WDR64: variants seen among roughly 807,000 people sequenced by gnomAD.
WDR64 encodes WD repeat domain 64.
In WDR64, 112 loss-of-function variants were observed where a neutral mutation model predicts 139.3. The ratio of observed to expected loss-of-function variants is 0.80; its 90% CI spans 0.69 to 0.94. The LOEUF is 0.94. Among genes scored for constraint, WDR64 ranks in the 40% least tolerant of loss-of-function variants. The pLI, the probability that WDR64 is intolerant of heterozygous loss-of-function variation, is 0.00. For missense variants in WDR64, 1,206 were observed against 1,293.1 expected (o/e 0.93, Z 1.03); for synonymous variants, 444 against 437.7 (o/e 1.01, Z -0.18).
At chr1:241,676,432 T>C (rs1191095383) in intron 4 of WDR64, 1 of 152,228 alleles carries the variant, frequency 6.6e-6, no homozygotes, top group Non-Finnish European at 1.5e-5. Flanking sequence ...CATTTATATA[T>C]AAAAACCTTC....
At chr1:241,693,730 G>C (rs942120007) in intron 8 of WDR64, among the ~76,000 whole-genome samples, 2 of 152,032 alleles carry the variant, frequency 1.3e-5, no homozygotes, top group Non-Finnish European at 2.9e-5. Flanking sequence ...TTAAAAATGT[G>C]CTGAGCTACA....
chr1:241,802,622 CACTT>C lies in WDR64; in HGVS notation c.*1412_*1415del, dbSNP rs1388779585. ...TGCTAATAGGATTACTAGTGTCTTC[CACTT>C]ACTTTGAAATGAATCAAAAAAATAA... On this transcript the variant is annotated 3_prime_UTR_variant, in exon 28 of 28. Transcript: ENST00000437684. Among the ~76,000 whole-genome samples the C allele has an allele frequency of 6.6e-6, 1 of 152,080 alleles. No individual in the cohort carries two copies. The highest frequency in any genetic ancestry group is 1.5e-5 in the Non-Finnish European group (1 of 68,004).
chr1:241,765,029 A>G (rs969645753), intron 15 of WDR64, among the ~76,000 whole-genome samples: 3 of 151,988 alleles, frequency 2.0e-5, no homozygotes, highest in Non-Finnish European at 4.4e-5. Flanking sequence ...TACAAAAAAA[A>G]TCAAAACATT....
At chr1:241,748,812 C>T (rs1669864612) in intron 13 of WDR64, among the ~76,000 whole-genome samples, 1 of 151,514 alleles carries the variant, frequency 6.6e-6, no homozygotes, top group Non-Finnish European at 1.5e-5. Flanking sequence ...TGGTGGTGGG[C>T]GCCTGCAGTC....
intron 2 of WDR64, among the ~76,000 whole-genome samples, chr1:241,667,721 T>C (rs943244471): frequency 4.6e-5 from 7 of 152,100 alleles, no homozygotes; most frequent in African/African-American, 1.7e-4. Context: ...ACAATCCCAA[T>C]GAGCTTGGAA....
Position 241,687,596 on chromosome 1 carries a change from G to C in WDR64, c.974+1G>C, listed in dbSNP as rs112489012. 1 of 1,610,244 alleles carries C rather than the reference G, an allele frequency of 6.2e-7. No homozygotes were observed. Among genetic ancestry groups the C allele is most frequent in the South Asian group, 1.1e-5 (1 of 90,796 alleles). Reference sequence around the variant, plus strand: ...CCTTGAAGAGACTCGAGGATAATTTGTAAGTATAGTAATTTATATACATGA... The same window carrying C: ...CCTTGAAGAGACTCGAGGATAATTTCTAAGTATAGTAATTTATATACATGA... On this transcript the variant is annotated splice_donor_variant, in intron 8 of 27. Transcript: ENST00000437684. LOFTEE classifies it high-confidence loss of function.
At chr1:241,691,158 T>A (rs1007734674) in intron 8 of WDR64, among the ~76,000 whole-genome samples, 2 of 152,174 alleles carry the variant, frequency 1.3e-5, no homozygotes, top group Non-Finnish European at 2.9e-5. Context: ...AAAAAATGTG[T>A]AACTTATATT....
chr1:241,721,423 A>G (rs1256668140), intron 9 of WDR64, among the ~76,000 whole-genome samples: 1 of 152,174 alleles, frequency 6.6e-6, no homozygotes. Flanking sequence ...AACTTAGGTT[A>G]TAACGCCTTT....
rs1007329673 is a variant in WDR64, at chr1:241,673,562, G to A, written c.380-1082G>A. On this transcript the variant is annotated intron_variant, in intron 3 of 27. Coordinates refer to ENST00000437684, the MANE Select transcript of WDR64 (RefSeq NM_001367482.1). ...AAGTGTATCCAATTATATACTACATGCGTATCTGTGCTTTCTGCACAAAAA... is the reference window on the plus strand; with the variant it reads ...AAGTGTATCCAATTATATACTACATACGTATCTGTGCTTTCTGCACAAAAA... Among the ~76,000 whole-genome samples, 7 of 152,176 alleles carry A rather than the reference G, an allele frequency of 4.6e-5. No homozygotes were observed. The South Asian group carries it at 1.2e-3, about 27-fold the overall frequency.
chr1:241,725,388 G>A (rs1347277450), intron 10 of WDR64, among the ~76,000 whole-genome samples: 2 of 151,574 alleles, frequency 1.3e-5, no homozygotes, highest in Non-Finnish European at 2.9e-5. Context: ...AAAAAAACCC[G>A]GTTGCTTTCC....
intron 8 of WDR64, among the ~76,000 whole-genome samples, chr1:241,691,524 CA>C (rs1372957587): frequency 2.0e-5 from 3 of 152,138 alleles, no homozygotes; most frequent in Non-Finnish European, 4.4e-5. Context: ...ACTATAAAAA[CA>C]CTTAGCAAAG....
intron 1 of WDR64, among the ~76,000 whole-genome samples, chr1:241,654,106 A>ACC (rs1021809111): frequency 6.6e-6 from 1 of 151,518 alleles, no homozygotes; most frequent in Non-Finnish European, 1.5e-5. Flanking sequence ...ATTCTCTCAA[A>ACC]CCCCCCTTTT....
At chr1:241,690,510 A>G (rs1216815158) in intron 8 of WDR64, among the ~76,000 whole-genome samples, 2 of 152,092 alleles carry the variant, frequency 1.3e-5, no homozygotes, top group Non-Finnish European at 2.9e-5. Context: ...AGGGGAAAAA[A>G]ACAACTTATC....
intron 10 of WDR64, among the ~76,000 whole-genome samples, chr1:241,726,666 T>C (rs909034464): frequency 3.3e-5 from 5 of 152,242 alleles, no homozygotes; most frequent in African/African-American, 1.2e-4. Context: ...TGAATAGTCA[T>C]ATGAAAATAT....
intron 2 of WDR64, among the ~76,000 whole-genome samples, chr1:241,665,817 A>G (rs1010710736): frequency 1.3e-5 from 2 of 152,196 alleles, no homozygotes; most frequent in Non-Finnish European, 2.9e-5. Context: ...TTAGGAGCAC[A>G]CTACAAATTA....
intron 23 of WDR64, among the ~76,000 whole-genome samples, chr1:241,783,672 T>A (rs554944332): frequency 6.6e-6 from 1 of 152,284 alleles, no homozygotes; most frequent in South Asian, 2.1e-4. Context: ...TTAAGCAAGA[T>A]AGCTATCTCG....
chr1:241,779,702 C>T (rs1252170582), intron 21 of WDR64, among the ~76,000 whole-genome samples: 2 of 151,942 alleles, frequency 1.3e-5, no homozygotes, highest in East Asian at 1.9e-4. Flanking sequence ...TGGTGGCAGG[C>T]ACCTGTAATC....
chr1:241,721,427 C>A (rs12737686), intron 9 of WDR64, among the ~76,000 whole-genome samples: 1 of 151,870 alleles, frequency 6.6e-6, no homozygotes, highest in African/African-American at 2.4e-5. Context: ...TAGGTTATAA[C>A]GCCTTTATAC....
intron 26 of WDR64, 78 bp downstream of exon 26, chr1:241,795,365 C>T: frequency 1.5e-6 from 2 of 1,323,698 alleles, no homozygotes; most frequent in Non-Finnish European, 2.1e-6. Flanking sequence ...CCTGGGCTAC[C>T]AAGCAAGGTT....
Sources: gnomAD v4.1 joint callset for allele counts (sites outside exome capture counted in the v4.1 genomes callset) on GRCh38, gnomAD v4.1.1 for gene constraint, MANE v1.5 for transcripts, NCBI Gene and HGNC (gene_info 2026-07-23, HGNC 2026-07-21) for gene names.